PRKCE: variants seen among roughly 807,000 people sequenced by gnomAD.
The protein encoded by PRKCE is protein kinase C epsilon type.
In PRKCE, 16 loss-of-function variants were observed where a neutral mutation model predicts 85.4. That is an observed-to-expected ratio of 0.19 (90% CI 0.13 to 0.28). The LOEUF (loss-of-function observed/expected upper bound fraction) is 0.28, where lower values mean the gene tolerates loss of function less well. Among genes scored for constraint, PRKCE ranks in the 10% least tolerant of loss-of-function variants. PRKCE has a pLI of 1.00. For synonymous variants in PRKCE, 388 were observed against 371.5 expected, an observed-to-expected ratio of 1.04 and a Z score of -0.51; for missense variants, 573 against 975.2, an observed-to-expected ratio of 0.59 and a Z score of 5.49.
rs1574095216 is a variant in PRKCE, at chr2:45,978,908, T to C, written c.573-68T>C. 1.0e-5 allele frequency: 15 copies of C among 1,500,736 alleles called. No individual in the cohort carries two copies. The East Asian group carries it at 3.2e-4, about 32-fold the overall frequency. 93.0% of individuals were successfully genotyped at this position (1,500,736 alleles called of 1,614,324 possible). ...GTGGGTGGTGGCCCAAATTGGGTGG[T>C]TTTTCTGTTTGTTTTTTGACCTGGT... On this transcript the variant is annotated intron_variant, in intron 3 of 14. Coordinates refer to ENST00000306156, the MANE Select transcript of PRKCE (RefSeq NM_005400.3).
intron 2 of PRKCE, among the ~76,000 whole-genome samples, chr2:45,860,657 G>A (rs1237138941): frequency 2.0e-5 from 3 of 152,204 alleles, no homozygotes; most frequent in African/African-American, 7.2e-5. Context: ...TGTGGTGGCT[G>A]TGGACTGAAG....
chr2:46,073,926 G>C (rs1259038093), intron 10 of PRKCE: 1 of 152,140 alleles, frequency 6.6e-6, no homozygotes. Context: ...AGGTCTGCAA[G>C]CTGAACAGAT....
chr2:46,013,984 G>A (rs1705907370), intron 10 of PRKCE, among the ~76,000 whole-genome samples: 1 of 152,210 alleles, frequency 6.6e-6, no homozygotes, highest in African/African-American at 2.4e-5. Flanking sequence ...GTCAGGTTCA[G>A]GTCTGGTCAG....
At chr2:46,146,460 C>T (rs1676079994) in intron 12 of PRKCE, among the ~76,000 whole-genome samples, 1 of 152,216 alleles carries the variant, frequency 6.6e-6, no homozygotes, top group Admixed American at 6.5e-5. Flanking sequence ...GATAAGTAAA[C>T]AACTAATTAA....
rs1675259629 is a variant in PRKCE, at chr2:46,139,038, T to A, written c.1593-6055T>A. On this transcript the variant is annotated intron_variant, in intron 11 of 14. Coordinates refer to ENST00000306156, the MANE Select transcript of PRKCE (RefSeq NM_005400.3). This position sits in a 1 kb window ranked among gnomAD's most constrained non-coding sequence, Gnocchi z 5.2. Reference sequence around the variant, plus strand: ...AGTCGAGTGGAGAGTAAAGTAGCCATCTATCCAGGTGTCAGGCAACAAGGG... The same window carrying A: ...AGTCGAGTGGAGAGTAAAGTAGCCAACTATCCAGGTGTCAGGCAACAAGGG... Among the ~76,000 whole-genome samples, 1 of 152,086 alleles carries A rather than the reference T, an allele frequency of 6.6e-6. No individual in the cohort carries two copies. Among genetic ancestry groups the A allele is most frequent in the Admixed American group, 6.6e-5 (1 of 15,264 alleles).
At chr2:45,976,164 G>T (rs192475643) in intron 2 of PRKCE, among the ~76,000 whole-genome samples, 1 of 152,320 alleles carries the variant, frequency 6.6e-6, no homozygotes, top group East Asian at 1.9e-4. Flanking sequence ...AGGGCAGCCA[G>T]CCCTGGAGCA....
In PRKCE at chr2:45,710,139, G is replaced by A. The variant is rs146972391; in HGVS notation, c.348+57691G>A. ...AACACGTCCATAGCACTGGCTAGGT[G>A]CTGGGCACCGTTCTTGGACTTTTCT... On this transcript the variant is annotated intron_variant, in intron 1 of 14. Coordinates refer to ENST00000306156, the MANE Select transcript of PRKCE (RefSeq NM_005400.3). 5.3e-3 allele frequency among the ~76,000 whole-genome samples: 802 copies of A among 152,324 alleles called. 3 individuals carry two copies. Among genetic ancestry groups the A allele is most frequent in the Non-Finnish European group, 8.4e-3 (570 of 68,038 alleles).
intron 1 of PRKCE, among the ~76,000 whole-genome samples, chr2:45,800,938 C>T (rs1359241841): frequency 6.6e-6 from 1 of 152,168 alleles, no homozygotes; most frequent in East Asian, 1.9e-4. Flanking sequence ...ATTACAATAC[C>T]TGGAAACTAA....
At chr2:45,660,434 C>T (rs373081521) in intron 1 of PRKCE, among the ~76,000 whole-genome samples, 9 of 152,226 alleles carry the variant, frequency 5.9e-5, no homozygotes, top group African/African-American at 2.2e-4. Flanking sequence ...CTCTGAGTGC[C>T]CAGGGCCCAT....
intron 10 of PRKCE, among the ~76,000 whole-genome samples, chr2:46,060,835 C>T (rs1223405212): frequency 3.3e-5 from 5 of 150,940 alleles, no homozygotes; most frequent in African/African-American, 1.2e-4. Flanking sequence ...GATATCAGCT[C>T]ATTGCAACCT....
At chr2:45,737,632 C>G (rs888890575) in intron 1 of PRKCE, among the ~76,000 whole-genome samples, 2 of 152,034 alleles carry the variant, frequency 1.3e-5, no homozygotes, top group East Asian at 1.9e-4. Context: ...CCTACCTGGC[C>G]CCCTTCTCCC....
intron 1 of PRKCE, among the ~76,000 whole-genome samples, chr2:45,745,377 T>G (rs17034091): frequency 0.19 from 28,398 of 152,026 alleles, 3,312 homozygotes; most frequent in African/African-American, 0.33. Context: ...CTGGGGAGGC[T>G]TCTTTCCCTA....
rs553063100 is a variant in PRKCE, at chr2:45,854,448, C to T, written c.412+11385C>T. Among the ~76,000 whole-genome samples, 69 of 152,296 alleles carry T rather than the reference C, an allele frequency of 4.5e-4. 1 individual carries two copies. Among genetic ancestry groups the T allele is most frequent in the African/African-American group, 2.6e-4 (11 of 41,554 alleles). ...TGGGCACAAGACCCCCAACTGGCTA[C>T]GCTGAATTAGCATTAGGTGGCATCA... On this transcript the variant is annotated intron_variant, in intron 2 of 14. Transcript: ENST00000306156.
At chr2:46,130,465 C>T (rs183430361) in intron 11 of PRKCE, among the ~76,000 whole-genome samples, 53 of 152,258 alleles carry the variant, frequency 3.5e-4, no homozygotes, top group African/African-American at 1.1e-3. Flanking sequence ...TGTCTGCGTA[C>T]AGTCTCACAA....
At chr2:45,710,551 G>C (rs573650663) in intron 1 of PRKCE, among the ~76,000 whole-genome samples, 1 of 152,224 alleles carries the variant, frequency 6.6e-6, no homozygotes, top group South Asian at 2.1e-4. Context: ...TTTTCTCTTT[G>C]TGAAGCCTGT....
At position 46,004,474 on chromosome 2, in the gene PRKCE, C is replaced by A; in HGVS notation, c.967-68C>A. On this transcript the variant is annotated intron_variant, in intron 7 of 14. Coordinates refer to ENST00000306156, the MANE Select transcript of PRKCE (RefSeq NM_005400.3). The surrounding 1 kb of genome is among the most constrained non-coding windows in gnomAD (Gnocchi z 4.1). ...ATGGCTCTTATACGGCATCTTGATG[C>A]TTTTGACATCAGAAAACTCTCAACC... is the stretch of plus-strand genomic sequence containing the variant. The A allele has an allele frequency of 3.1e-6, 4 of 1,278,680 alleles. No homozygotes were observed. Among genetic ancestry groups the A allele is most frequent in the South Asian group, 1.3e-5 (1 of 78,354 alleles). The allele number at this position is 1,278,680 out of a possible 1,614,324, so 79.2% of individuals were successfully genotyped here.
chr2:45,953,068 A>T (rs1319637523), intron 2 of PRKCE, among the ~76,000 whole-genome samples: 2 of 152,214 alleles, frequency 1.3e-5, no homozygotes, highest in Non-Finnish European at 2.9e-5. Context: ...GTAATTCTGA[A>T]ATAACTCTAG....
chr2:46,005,868 G>A (rs1705148524), intron 8 of PRKCE, among the ~76,000 whole-genome samples: 1 of 152,180 alleles, frequency 6.6e-6, no homozygotes. Flanking sequence ...AGAACTTGTA[G>A]CTATTTTCCC....
rs928538744 is a variant in PRKCE at position 46,032,434 on chromosome 2, G to A, written c.1437+21917G>A. Among the ~76,000 whole-genome samples, 3 of 152,180 alleles carry A rather than the reference G, an allele frequency of 2.0e-5. No homozygotes were observed. The East Asian group carries it at 5.8e-4, about 29-fold the overall frequency. On this transcript the variant is annotated intron_variant, in intron 10 of 14. Coordinates refer to ENST00000306156, the MANE Select transcript of PRKCE (RefSeq NM_005400.3). The stretch of plus-strand genomic sequence containing the variant: ...AAACCGCCATCCCTCTCTTAAAATG[G>A]GCACGGGTTTGCTGGCAGGACTTGC...
Sources: allele counts gnomAD v4.1 joint callset (sites outside exome capture counted in the v4.1 genomes callset), GRCh38; gene constraint gnomAD v4.1.1; non-coding constraint Gnocchi (gnomAD v3.1); transcripts MANE v1.5; gene names NCBI Gene and HGNC (gene_info 2026-07-23, HGNC 2026-07-21).